CENPL: variants seen among roughly 807,000 people sequenced by gnomAD.
The protein encoded by CENPL is centromere protein L, also known as interphase centromere complex protein 33.
CENPL carries 20 observed loss-of-function variants against 35.2 expected under a neutral mutation model. That is an observed-to-expected ratio of 0.57 (90% CI 0.40 to 0.83). The LOEUF is 0.83. Among genes scored for constraint, CENPL ranks in the 40% least tolerant of loss-of-function variants. The pLI is 0.00. For synonymous variants in CENPL, 140 were observed against 140.6 expected, an observed-to-expected ratio of 1.00 and a Z score of 0.03; for missense variants, 363 against 395.8, an observed-to-expected ratio of 0.92 and a Z score of 0.70.
In CENPL at chr1:173,808,823, G is replaced by A. The variant is rs186692832; in HGVS notation, c.169-1305C>T. On this transcript the variant is annotated intron_variant, in intron 3 of 5. Coordinates refer to ENST00000682279, the MANE Select transcript of CENPL (RefSeq NM_001387287.1). ...CTAGGCAATACCATTCAGGACATAG[G>A]TACAGGCAAAGATTTCATGACAAAG... Among the ~76,000 whole-genome samples the A allele has an allele frequency of 3.3e-5, 5 of 152,136 alleles. No individual in the cohort carries two copies. In the East Asian group the frequency reaches 5.8e-4, roughly 18 times the overall value.
intron 2 of CENPL, among the ~76,000 whole-genome samples, chr1:173,816,578 C>T (rs1308346919): frequency 2.6e-5 from 4 of 152,102 alleles, no homozygotes; most frequent in African/African-American, 4.8e-5. Flanking sequence ...AAACAAGAAA[C>T]GGGACAAAGA....
intron 2 of CENPL, among the ~76,000 whole-genome samples, chr1:173,814,441 C>T (rs899977282): frequency 6.6e-6 from 1 of 152,168 alleles, no homozygotes; most frequent in Non-Finnish European, 1.5e-5. Flanking sequence ...AAGCAAAGCA[C>T]TCTTCAGCAA....
rs754661793 is a variant in CENPL, at chr1:173,807,522, TA to T, written c.169-5del. 433 of 1,434,028 alleles carry T rather than the reference TA, an allele frequency of 3.0e-4. No individual in the cohort carries two copies. Among genetic ancestry groups the T allele is most frequent in the South Asian group, 6.8e-4 (41 of 60,042 alleles). 88.8% of individuals were successfully genotyped at this position (1,434,028 alleles called of 1,614,324 possible). A position where few individuals can be genotyped will look rare whatever the true frequency, so the allele number is the denominator to read the frequency against. On this transcript the variant is annotated splice_region_variant and splice_polypyrimidine_tract_variant and intron_variant, in intron 3 of 5. Coordinates refer to ENST00000682279, the MANE Select transcript of CENPL (RefSeq NM_001387287.1). ...CCTTTTGAGGGTCAACATCTTCCTA[TA>T]AAAAAAAATCAAGACAAAAGAAGTT... is the stretch of plus-strand genomic sequence containing the variant.
intron 3 of CENPL, among the ~76,000 whole-genome samples, chr1:173,810,793 C>G (rs533021153): frequency 6.6e-6 from 1 of 151,904 alleles, no homozygotes; most frequent in East Asian, 1.9e-4. Flanking sequence ...TGGTAGCGGG[C>G]GCCTGTAGTC....
At chr1:173,815,998 A>G (rs185597533) in intron 2 of CENPL, among the ~76,000 whole-genome samples, 7 of 152,370 alleles carry the variant, frequency 4.6e-5, no homozygotes, top group African/African-American at 9.6e-5. Context: ...GTCTCAGGAT[A>G]CAAAATCAAT....
chr1:173,814,826 C>G (rs1017829800), intron 2 of CENPL, among the ~76,000 whole-genome samples: 3 of 151,992 alleles, frequency 2.0e-5, no homozygotes, highest in Admixed American at 2.0e-4. Flanking sequence ...CAAGAAATAA[C>G]AAAGATCAGA....
chr1:173,801,192 G>C (rs544618066), intron 5 of CENPL, among the ~76,000 whole-genome samples: 4 of 152,172 alleles, frequency 2.6e-5, no homozygotes, highest in South Asian at 4.1e-4. Flanking sequence ...CTTGGCCTCA[G>C]TTTCCTTGTT....
intron 2 of CENPL, chr1:173,823,455 G>A (rs1652202588): frequency 6.5e-6 from 1 of 152,694 alleles, no homozygotes; most frequent in Non-Finnish European, 1.5e-5. Flanking sequence ...AATTCTTTAA[G>A]AGGTTAAATG....
In CENPL at chr1:173,814,861, C is replaced by A. The variant is rs534408853; in HGVS notation, c.-7-3555G>T. Among the ~76,000 whole-genome samples, 5 of 151,968 alleles carry A rather than the reference C, an allele frequency of 3.3e-5. No individual in the cohort carries two copies. In the East Asian group the frequency reaches 5.8e-4, roughly 18 times the overall value. On this transcript the variant is annotated intron_variant, in intron 2 of 5. Transcript: ENST00000682279. ...AGCAAAACTGAAGGAGATAGAAACA[C>A]AAAAAAACTCTTCAAAAAAATCAAT...
intron 2 of CENPL, among the ~76,000 whole-genome samples, chr1:173,819,767 C>T (rs1347314672): frequency 6.6e-6 from 1 of 152,094 alleles, no homozygotes; most frequent in Admixed American, 6.5e-5. Flanking sequence ...TCTCGGCTCA[C>T]TGCAACCTCT....
chr1:173,811,452 C>T (rs921545471), intron 2 of CENPL, 146 bp from the exon 3 acceptor site: 1 of 555,348 alleles, frequency 1.8e-6, no homozygotes, highest in African/African-American at 1.9e-5. Context: ...TAAACCAAGT[C>T]CTATATTCCT....
chr1:173,811,282 T>C lies in CENPL; in HGVS notation c.18A>G (p.Ala6=). The part of the protein sequence containing the change: MDSYS[A]PESTPSASSR... ...AGGATGCACTAGGAGTTGACTCTGG[T>C]GCACTGTAAGAATCCATGGTCTGTC... The change falls in exon 3 of 6, where the codon GCA becomes GCG. Residue 6 remains alanine (A), a synonymous_variant. Transcript: ENST00000682279. 1 of 1,608,822 alleles carries C rather than the reference T, an allele frequency of 6.2e-7. No individual in the cohort carries two copies. The highest frequency in any genetic ancestry group is 8.5e-7 in the Non-Finnish European group (1 of 1,175,872).
At chr1:173,804,621 C>T (rs1228844953) in intron 4 of CENPL, among the ~76,000 whole-genome samples, 1 of 152,106 alleles carries the variant, frequency 6.6e-6, no homozygotes, top group Non-Finnish European at 1.5e-5. Flanking sequence ...ATAAACTAGC[C>T]CTGTATATTC....
chr1:173,815,386 A>T (rs55633896), intron 2 of CENPL, among the ~76,000 whole-genome samples: 33,580 of 152,146 alleles, frequency 0.22, 4,286 homozygotes, highest in Middle Eastern at 0.38. Context: ...ACAACAAAAA[A>T]AGAGAATTTT....
intron 2 of CENPL, among the ~76,000 whole-genome samples, chr1:173,812,659 C>A (rs1001726836): frequency 6.6e-6 from 1 of 152,186 alleles, no homozygotes; most frequent in African/African-American, 2.4e-5. Flanking sequence ...CACACCAAAA[C>A]CCCATCTGTA....
chr1:173,801,419 CAGG>C (rs1270885223), intron 5 of CENPL, among the ~76,000 whole-genome samples: 1 of 151,242 alleles, frequency 6.6e-6, no homozygotes, highest in African/African-American at 2.4e-5. Context: ...GAGGCTGAGG[CAGG>C]AGAATTGCTT....
Position 173,807,493 on chromosome 1 carries a change from G to T in CENPL, c.194C>A (p.Ala65Glu). ...AGTCCACTGTTTATGCAGAAGGAAT[G>T]CAACCTTTTGAGGGTCAACATCTTC... ...LQEDVDPQKV[A>E]FLLHKQWTLY... The change falls in exon 4 of 6, where the codon GCA becomes GAA. Residue 65 changes from alanine to glutamate, a missense_variant. By Grantham distance (107) the Ala-to-Glu change is moderately radical. Transcript: ENST00000682279. 6.6e-7 allele frequency: 1 copy of T among 1,511,236 alleles called. No individual in the cohort carries two copies. Among genetic ancestry groups the T allele is most frequent in the Non-Finnish European group, 8.9e-7 (1 of 1,122,718 alleles). 93.6% of individuals were successfully genotyped at this position (1,511,236 alleles called of 1,614,324 possible). A position where few individuals can be genotyped will look rare whatever the true frequency, so the allele number is the denominator to read the frequency against.
intron 2 of CENPL, among the ~76,000 whole-genome samples, chr1:173,819,455 G>T (rs958042035): frequency 6.6e-6 from 1 of 151,878 alleles, no homozygotes; most frequent in Non-Finnish European, 1.5e-5. Context: ...GCTGGGTATG[G>T]TGGCACACAC....
chr1:173,804,637 T>G (rs1650047369), intron 4 of CENPL, among the ~76,000 whole-genome samples: 2 of 152,252 alleles, frequency 1.3e-5, no homozygotes, highest in African/African-American at 4.8e-5. Context: ...TATTCATGTT[T>G]GCTTTATAGG....
Sources: gnomAD v4.1 joint callset for allele counts (sites outside exome capture counted in the v4.1 genomes callset) on GRCh38, gnomAD v4.1.1 for gene constraint, MANE v1.5 for transcripts, NCBI Gene and HGNC (gene_info 2026-07-23, HGNC 2026-07-21) for gene names.